ANXA11: variants seen among roughly 807,000 people sequenced by gnomAD.
ANXA11 encodes the protein 56 kDa autoantigen.
ANXA11 carries 57 observed loss-of-function variants against 64.7 expected under a neutral mutation model. The ratio of observed to expected loss-of-function variants is 0.88; its 90% CI spans 0.71 to 1.10. The LOEUF (loss-of-function observed/expected upper bound fraction) is 1.10. Among genes scored for constraint, ANXA11 ranks in the 50% least tolerant of loss-of-function variants. The pLI is 0.00. For missense variants in ANXA11, 675 were observed against 670.7 expected (o/e 1.01, Z -0.07); for synonymous variants, 260 against 265.2 (o/e 0.98, Z 0.19).
rs192830026 is a variant in ANXA11 at position 80,203,380 on chromosome 10, G to A, written c.-58+1963C>T. On this transcript the variant is annotated intron_variant, in intron 1 of 15. Coordinates refer to ENST00000422982, the MANE Select transcript of ANXA11 (RefSeq NM_145868.2). Reference sequence around the variant, plus strand: ...TTTCTATAGTATCATGCATAAAGGCGTCAGGTGAGGCTTCCACTCCCACCT... The same window carrying A: ...TTTCTATAGTATCATGCATAAAGGCATCAGGTGAGGCTTCCACTCCCACCT... 2.5e-3 allele frequency among the ~76,000 whole-genome samples: 385 copies of A among 152,074 alleles called. 7 individuals carry two copies. Among genetic ancestry groups the A allele is most frequent in the Non-Finnish European group, 4.4e-4 (30 of 68,000 alleles).
chr10:80,202,441 A>T (rs1409669673), intron 1 of ANXA11, among the ~76,000 whole-genome samples: 2 of 152,200 alleles, frequency 1.3e-5, no homozygotes, highest in African/African-American at 2.4e-5. Flanking sequence ...CAGTAAGCCT[A>T]ATGTGTAACA....
intron 6 of ANXA11, 93 bp from the exon 7 acceptor site, chr10:80,167,077 G>T: frequency 7.6e-7 from 1 of 1,310,376 alleles, no homozygotes. Flanking sequence ...AACTGTTCTG[G>T]GCATGCTAGC....
chr10:80,168,690 T>G (rs1191162434), intron 5 of ANXA11, among the ~76,000 whole-genome samples: 1 of 152,020 alleles, frequency 6.6e-6, no homozygotes, highest in African/African-American at 2.4e-5. Flanking sequence ...TGCACCACCA[T>G]GCCCAGCTAA....
chr10:80,168,883 TCC>T, intron 5 of ANXA11, 84 bp downstream of exon 5: 1 of 1,381,618 alleles, frequency 7.2e-7, no homozygotes, highest in East Asian at 2.8e-5. Context: ...CCTGCGCCTT[TCC>T]CTGTCTCCCC....
At chr10:80,199,422 G>C (rs1222040815) in intron 1 of ANXA11, among the ~76,000 whole-genome samples, 2 of 151,980 alleles carry the variant, frequency 1.3e-5, no homozygotes, top group African/African-American at 4.8e-5. Context: ...AAGTGAGAAA[G>C]AAATATTTAA....
rs1395973505 is a variant in ANXA11, at chr10:80,155,282, G to A, written c.*571C>T. ...CGTGGTTTCTGCAAGGAAGATGGAA[G>A]GAATGACTTTCTGGCCCTTTTTTTT... On this transcript the variant is annotated 3_prime_UTR_variant, in exon 16 of 16. Transcript: ENST00000422982. 1 of 152,728 alleles carries A rather than the reference G, an allele frequency of 6.5e-6. No individual in the cohort carries two copies. Among genetic ancestry groups the A allele is most frequent in the East Asian group, 1.9e-4 (1 of 5,174 alleles). 9.5% of individuals were successfully genotyped at this position (152,728 alleles called of 1,614,324 possible).
chr10:80,161,853 A>T (rs973921821), intron 12 of ANXA11, 82 bp downstream of exon 12: 2 of 1,244,904 alleles, frequency 1.6e-6, no homozygotes, highest in East Asian at 4.7e-5. Flanking sequence ...GGAACGACCA[A>T]GTGTTCCCAT....
At position 80,154,845 on chromosome 10, in the gene ANXA11, G is replaced by A. The variant is rs1422674653; in HGVS notation, c.*1008C>T. On this transcript the variant is annotated 3_prime_UTR_variant, in exon 16 of 16. Transcript: ENST00000422982. ...ACACCCTTCTTCCCTCCTGGGACCT[G>A]GGTGAAGGACTGCATTCTTCGCACC... The A allele has an allele frequency of 6.6e-6, 1 of 152,252 alleles. No individual in the cohort carries two copies. Among genetic ancestry groups the A allele is most frequent in the African/African-American group, 2.4e-5 (1 of 41,440 alleles). 9.4% of individuals were successfully genotyped at this position (152,252 alleles called of 1,614,324 possible).
intron 2 of ANXA11, 52 bp from the exon 3 acceptor site, chr10:80,172,921 G>T: frequency 6.4e-7 from 1 of 1,560,570 alleles, no homozygotes; most frequent in African/African-American, 1.4e-5. Flanking sequence ...GCCCCTGCTG[G>T]CCCGTGGGAC....
chr10:80,196,826 A>G (rs1374909816), intron 1 of ANXA11, among the ~76,000 whole-genome samples: 2 of 152,160 alleles, frequency 1.3e-5, no homozygotes, highest in African/African-American at 4.8e-5. Flanking sequence ...TATGTTAATC[A>G]TTAGCCAGGC....
At chr10:80,188,481 A>AT in intron 1 of ANXA11, among the ~76,000 whole-genome samples, 1 of 23,028 alleles carries the variant, frequency 4.3e-5, no homozygotes, top group East Asian at 1.1e-3. Flanking sequence ...GTATTCTCAC[A>AT]TATATATATA....
Position 80,166,952 on chromosome 10 carries a change from C to A in ANXA11, c.682G>T (p.Gly228Trp), listed in dbSNP as rs1845766549. ...TGCCGCTGCTTGTTGGAGCGACTCC[C>A]CAGGCAGTCAATGATGGCCTGCTCA... ...TDEQAIIDCL[G>W]SRSNKQRQQI... Residue 228 changes from glycine (G) to tryptophan (W), a missense_variant, in exon 7 of 16, where the codon GGG (glycine) becomes TGG (tryptophan). Coordinates refer to ENST00000422982, the MANE Select transcript of ANXA11 (RefSeq NM_145868.2). 3 of 1,607,750 alleles carry A rather than the reference C, an allele frequency of 1.9e-6. No individual in the cohort carries two copies. The highest frequency in any genetic ancestry group is 4.5e-5 in the East Asian group (2 of 44,548).
intron 6 of ANXA11, 117 bp downstream of exon 6, chr10:80,167,109 T>C (rs1845776309): frequency 7.8e-7 from 1 of 1,274,556 alleles, no homozygotes; most frequent in African/African-American, 1.5e-5. Flanking sequence ...ATCCACCTTC[T>C]ATCACCACTG....
intron 12 of ANXA11, among the ~76,000 whole-genome samples, chr10:80,159,921 G>A (rs1319366864): frequency 6.6e-6 from 1 of 152,148 alleles, no homozygotes; most frequent in Non-Finnish European, 1.5e-5. Context: ...CTGCCTGTGA[G>A]CTGAGGCCCA....
At position 80,154,622 on chromosome 10, in the gene ANXA11, C is replaced by T. The variant is rs1016677343; in HGVS notation, c.*1231G>A. On this transcript the variant is annotated 3_prime_UTR_variant, in exon 16 of 16. Coordinates refer to ENST00000422982, the MANE Select transcript of ANXA11 (RefSeq NM_145868.2). Reference sequence around the variant, plus strand: ...GGTAAGCTCTAGCTTCTGGACATGACACCATAATTCTCAGAAACTCTCTTA... The same window carrying T: ...GGTAAGCTCTAGCTTCTGGACATGATACCATAATTCTCAGAAACTCTCTTA... 5 of 152,388 alleles carry T rather than the reference C, an allele frequency of 3.3e-5. No homozygotes were observed. The highest frequency in any genetic ancestry group is 1.3e-4 in the Admixed American group (2 of 15,308). 9.4% of individuals were successfully genotyped at this position (152,388 alleles called of 1,614,324 possible).
chr10:80,156,530 T>C (rs1443471689), intron 15 of ANXA11: 4 of 465,212 alleles, frequency 8.6e-6, no homozygotes, highest in African/African-American at 4.0e-5. Context: ...CTTTTTTTTT[T>C]TGAGACGAAG....
chr10:80,186,022 T>C (rs1216045286), intron 1 of ANXA11, among the ~76,000 whole-genome samples: 1 of 152,162 alleles, frequency 6.6e-6, no homozygotes, highest in African/African-American at 2.4e-5. Context: ...TGGAGGATGG[T>C]GAGAAGAACA....
intron 1 of ANXA11, among the ~76,000 whole-genome samples, chr10:80,178,664 C>G (rs930117923): frequency 2.6e-5 from 4 of 152,226 alleles, no homozygotes; most frequent in Non-Finnish European, 4.4e-5. Context: ...GATTGCTGGG[C>G]CCCACCTCCA....
chr10:80,192,876 C>T (rs1846833517), intron 1 of ANXA11, among the ~76,000 whole-genome samples: 1 of 152,066 alleles, frequency 6.6e-6, no homozygotes, highest in African/African-American at 2.4e-5. Context: ...GCTTCAAAAA[C>T]AAAAAACAAA....
Sources: allele counts gnomAD v4.1 joint callset (sites outside exome capture counted in the v4.1 genomes callset), GRCh38; gene constraint gnomAD v4.1.1; transcripts MANE v1.5; gene names NCBI Gene and HGNC (gene_info 2026-07-23, HGNC 2026-07-21).